The following LINGO2 variants were observed in gnomAD, a reference collection of about 807,000 sequenced individuals.
The protein encoded by LINGO2 is leucine-rich repeat and immunoglobulin-like domain-containing nogo receptor-interacting protein 2.
Under a neutral mutation model 30.6 loss-of-function variants are expected in LINGO2, and 14 were observed. That is an observed-to-expected ratio of 0.46 (90% confidence interval 0.30 to 0.72). LINGO2 has a LOEUF of 0.72. Among genes scored for constraint, LINGO2 ranks in the 30% least tolerant of loss-of-function variants. The probability of loss-of-function intolerance (pLI) is 0.07; values close to 1 mark genes in which losing one functional copy is unlikely to be tolerated. For missense variants in LINGO2, 729 were observed against 751.7 expected, an observed-to-expected ratio of 0.97 and a Z score of 0.35; for synonymous variants, 317 against 288.5, an observed-to-expected ratio of 1.10 and a Z score of -1.00.
chr9:28,073,503 A>C (rs1045745646), intron 4 of LINGO2, among the ~76,000 whole-genome samples: 3 of 152,200 alleles, frequency 2.0e-5, no homozygotes, highest in African/African-American at 7.2e-5. Context: ...CTTAGTGGGA[A>C]TTAACCCTTT....
intron 4 of LINGO2, among the ~76,000 whole-genome samples, chr9:28,265,487 T>C (rs1446541462): frequency 6.6e-6 from 1 of 151,988 alleles, no homozygotes; most frequent in Non-Finnish European, 1.5e-5. Flanking sequence ...AAATGGATTG[T>C]AGATTAGATA....
At chr9:28,622,427 A>T in intron 1 of LINGO2, among the ~76,000 whole-genome samples, 1 of 151,982 alleles carries the variant, frequency 6.6e-6, no homozygotes, top group Non-Finnish European at 1.5e-5. Context: ...GTTCCCAAAA[A>T]TAAGTGAGAA....
chr9:28,401,909 T>A (rs182798778), intron 2 of LINGO2, among the ~76,000 whole-genome samples: 1 of 152,348 alleles, frequency 6.6e-6, no homozygotes, highest in East Asian at 1.9e-4. Context: ...TTTTTTCATA[T>A]ATCTGTTGGC....
chr9:29,009,896 C>A, the LINGO2 span, among the ~76,000 whole-genome samples: 1 of 152,174 alleles, frequency 6.6e-6, no homozygotes, highest in South Asian at 2.1e-4. Flanking sequence ...ACCATCTGAT[C>A]TTGGACAAAC....
chr9:29,040,021 T>G, the LINGO2 span, among the ~76,000 whole-genome samples: 3 of 152,132 alleles, frequency 2.0e-5, no homozygotes, highest in African/African-American at 4.8e-5. Context: ...TGAAACTATA[T>G]TTTTATAGAA....
intron 3 of LINGO2, among the ~76,000 whole-genome samples, chr9:28,362,234 A>G (rs4111809): frequency 0.61 from 91,413 of 150,178 alleles, 28,443 homozygotes; most frequent in African/African-American, 0.75. Flanking sequence ...GTGTGTGCGC[A>G]TGCGCATGTG....
At chr9:29,113,989 A>G in the LINGO2 span, among the ~76,000 whole-genome samples, 2 of 151,864 alleles carry the variant, frequency 1.3e-5, no homozygotes, top group African/African-American at 4.8e-5. Flanking sequence ...CCAGAAAGGA[A>G]TTCTTTTCCA....
chr9:29,091,437 C>G, the LINGO2 span, among the ~76,000 whole-genome samples: 2 of 151,860 alleles, frequency 1.3e-5, no homozygotes, highest in African/African-American at 4.8e-5. Flanking sequence ...TAAACATTTA[C>G]AAGAGTAGAA....
chr9:28,040,266 G>A (rs1197934), intron 4 of LINGO2, among the ~76,000 whole-genome samples: 137,885 of 152,148 alleles, frequency 0.91, 62,684 homozygotes, highest in Non-Finnish European at 0.94. Context: ...ATTACTAATA[G>A]TTTATCTTGA....
intron 1 of LINGO2, among the ~76,000 whole-genome samples, chr9:28,658,106 A>G (rs1828437784): frequency 6.6e-6 from 1 of 152,112 alleles, no homozygotes; most frequent in South Asian, 2.1e-4. Context: ...GTGATCAGAA[A>G]ATATAATTTG....
At chr9:28,248,808 C>T (rs1822094933) in intron 4 of LINGO2, among the ~76,000 whole-genome samples, 1 of 152,058 alleles carries the variant, frequency 6.6e-6, no homozygotes, top group African/African-American at 2.4e-5. Flanking sequence ...AGGTAGATTT[C>T]TCATTTATAG....
intron 4 of LINGO2, among the ~76,000 whole-genome samples, chr9:28,020,523 T>C (rs1045181747): frequency 7.3e-6 from 1 of 136,890 alleles, no homozygotes; most frequent in African/African-American, 2.7e-5. Context: ...AGTGAGACTC[T>C]GTCTTATAAA....
chr9:28,781,780 C>G, the LINGO2 span, among the ~76,000 whole-genome samples: 1 of 152,172 alleles, frequency 6.6e-6, no homozygotes, highest in African/African-American at 2.4e-5. Context: ...GAAAAAAATC[C>G]ACTTAATTCC....
intron 4 of LINGO2, among the ~76,000 whole-genome samples, chr9:28,143,788 T>C (rs1313550318): frequency 6.6e-6 from 1 of 152,106 alleles, no homozygotes; most frequent in Admixed American, 6.5e-5. Flanking sequence ...AACTGCCTAT[T>C]AGATTACTTA....
chr9:28,157,919 A>T (rs1564008064), intron 4 of LINGO2, among the ~76,000 whole-genome samples: 1 of 152,176 alleles, frequency 6.6e-6, no homozygotes, highest in African/African-American at 2.4e-5. Context: ...GGTCAAAGCC[A>T]TTCAACATGT....
chr9:28,683,841 A>G, the LINGO2 span, among the ~76,000 whole-genome samples: 2 of 152,186 alleles, frequency 1.3e-5, no homozygotes, highest in South Asian at 4.1e-4. Context: ...TGCCTAGCAC[A>G]TAGTAGATGC....
At chr9:28,368,599 T>C (rs79829092) in intron 3 of LINGO2, among the ~76,000 whole-genome samples, 2 of 94,344 alleles carry the variant, frequency 2.1e-5, no homozygotes, top group South Asian at 4.3e-4. Context: ...CTTTTCTTTT[T>C]TTTTTTTTTC....
chr9:28,950,238 C>T, the LINGO2 span, among the ~76,000 whole-genome samples: 2 of 152,124 alleles, frequency 1.3e-5, no homozygotes, highest in African/African-American at 4.8e-5. Flanking sequence ...ATTGATGGAA[C>T]GTATCTCAAA....
At chr9:28,475,314 A>C (rs935535291) in intron 2 of LINGO2, among the ~76,000 whole-genome samples, 1 of 152,176 alleles carries the variant, frequency 6.6e-6, no homozygotes, top group African/African-American at 2.4e-5. Flanking sequence ...TTAGATACTA[A>C]AGGTTTTTAT....
Sources: gnomAD v4.1 joint callset for allele counts (sites outside exome capture counted in the v4.1 genomes callset) on GRCh38, gnomAD v4.1.1 for gene constraint, MANE v1.5 for transcripts, NCBI Gene and HGNC (gene_info 2026-07-23, HGNC 2026-07-21) for gene names.